Variants in NALCN observed in about 807,000 individuals in gnomAD.
The protein encoded by NALCN is sodium leak channel, non-selective, also known as sodium leak channel NALCN.
NALCN carries 111 observed loss-of-function variants against 225.3 expected under a neutral mutation model. That is an observed-to-expected ratio of 0.49 (90% CI 0.42 to 0.58). The LOEUF (loss-of-function observed/expected upper bound fraction) is 0.58, where lower values mean the gene tolerates loss of function less well. Among genes scored for constraint, NALCN ranks in the 20% least tolerant of loss-of-function variants. The pLI, the probability that NALCN is intolerant of heterozygous loss-of-function variation, is 0.00. For missense variants in NALCN, 1,378 were observed against 2,202.4 expected, an observed-to-expected ratio of 0.63 and a Z score of 7.49; for synonymous variants, 764 against 769.0, an observed-to-expected ratio of 0.99 and a Z score of 0.11.
chr13:101,090,438 A>G (rs1014169698), intron 28 of NALCN, among the ~76,000 whole-genome samples: 8 of 152,258 alleles, frequency 5.3e-5, no homozygotes, highest in Non-Finnish European at 7.3e-5. Flanking sequence ...CTGTGTTAGT[A>G]TAGAAAGTGT....
chr13:101,093,819 T>A (rs948585105), intron 28 of NALCN, among the ~76,000 whole-genome samples: 1 of 152,184 alleles, frequency 6.6e-6, no homozygotes, highest in Non-Finnish European at 1.5e-5. Context: ...ATAACTCATA[T>A]AACAATCCCA....
intron 14 of NALCN, among the ~76,000 whole-genome samples, chr13:101,184,932 T>C (rs1298401450): frequency 6.6e-6 from 1 of 152,188 alleles, no homozygotes; most frequent in African/African-American, 2.4e-5. Flanking sequence ...GATGTCCCTT[T>C]AGCTGAAATT....
At chr13:101,302,406 T>C (rs1386565057) in intron 7 of NALCN, among the ~76,000 whole-genome samples, 2 of 152,266 alleles carry the variant, frequency 1.3e-5, no homozygotes, top group African/African-American at 4.8e-5. Flanking sequence ...ATAATTGACG[T>C]TTGTTTATAA....
chr13:101,067,262 GGAGGTGGACGAGGAGGAGGGGGAA>G (rs1356292521), intron 39 of NALCN, among the ~76,000 whole-genome samples: 26 of 101,968 alleles, frequency 2.5e-4, no homozygotes, highest in Non-Finnish European at 4.7e-4. Context: ...AGGTGGAAGA[GGAGGTGGACGAGGAGGAGGGGGAA>G]GAGGAGGGGG....
At chr13:101,320,427 C>A (rs1184612531) in intron 7 of NALCN, among the ~76,000 whole-genome samples, 1 of 152,152 alleles carries the variant, frequency 6.6e-6, no homozygotes, top group Non-Finnish European at 1.5e-5. Context: ...GGGACATTTT[C>A]CATTCTGAAG....
intron 13 of NALCN, among the ~76,000 whole-genome samples, chr13:101,198,246 C>T (rs1437500504): frequency 2.0e-5 from 3 of 152,142 alleles, no homozygotes; most frequent in Admixed American, 2.0e-4. Context: ...GACTTCATGT[C>T]TAAAACACCA....
intron 28 of NALCN, among the ~76,000 whole-genome samples, chr13:101,092,149 G>C (rs1185222279): frequency 6.6e-6 from 1 of 152,010 alleles, no homozygotes; most frequent in Admixed American, 6.6e-5. Flanking sequence ...GTGAAATATT[G>C]TAATCTTGCC....
chr13:101,243,931 C>T lies in NALCN; in HGVS notation c.1267-6009G>A, dbSNP rs1035322844. Among the ~76,000 whole-genome samples, 2 of 105,658 alleles carry T rather than the reference C, an allele frequency of 1.9e-5. 1 individual carries two copies. The highest frequency in any genetic ancestry group is 4.2e-5 in the Non-Finnish European group (2 of 47,214). The allele number at this position is 105,658 out of a possible 152,430, so 69.3% of individuals were successfully genotyped here. On this transcript the variant is annotated intron_variant, in intron 11 of 43. Transcript: ENST00000251127. ...GACTCAGACTTTGCTGCAAGTCCTG[C>T]GACAGGTACTTCCTCTCTAGCACAG...
At chr13:101,086,430 C>A (rs997985561) in intron 30 of NALCN, among the ~76,000 whole-genome samples, 1 of 151,888 alleles carries the variant, frequency 6.6e-6, no homozygotes, top group Non-Finnish European at 1.5e-5. Context: ...ATAATTTCTT[C>A]AACTCATAAA....
intron 13 of NALCN, among the ~76,000 whole-genome samples, chr13:101,214,158 A>G (rs1205346359): frequency 1.3e-5 from 2 of 152,154 alleles, no homozygotes; most frequent in African/African-American, 2.4e-5. Flanking sequence ...ACATGGATGA[A>G]GGTGGAAACC....
chr13:101,268,925 A>T (rs1179934042), intron 10 of NALCN, among the ~76,000 whole-genome samples: 1 of 152,180 alleles, frequency 6.6e-6, no homozygotes, highest in African/African-American at 2.4e-5. Context: ...TGTGGCCTAC[A>T]TTTATGGATT....
At chr13:101,217,189 C>T (rs535930848) in intron 13 of NALCN, among the ~76,000 whole-genome samples, 73 of 152,230 alleles carry the variant, frequency 4.8e-4, no homozygotes, top group African/African-American at 1.7e-3. Context: ...TGCTTATGAG[C>T]TTTTGTTAGG....
intron 12 of NALCN, among the ~76,000 whole-genome samples, chr13:101,230,340 A>G (rs2041296131): frequency 6.6e-6 from 1 of 152,234 alleles, no homozygotes; most frequent in Admixed American, 6.5e-5. Context: ...AACTTTTGCC[A>G]AGAATCTTTA....
chr13:101,318,469 A>G (rs900709507), intron 7 of NALCN, among the ~76,000 whole-genome samples: 1 of 152,242 alleles, frequency 6.6e-6, no homozygotes, highest in African/African-American at 2.4e-5. Context: ...GGAATTTTCC[A>G]TTGTCATCAG....
chr13:101,111,563 TG>T (rs1296386362), intron 18 of NALCN, among the ~76,000 whole-genome samples: 1 of 152,154 alleles, frequency 6.6e-6, no homozygotes, highest in Non-Finnish European at 1.5e-5. Context: ...CACAGTGATA[TG>T]GTTTGGCTTT....
chr13:101,199,984 C>G (rs1408529560), intron 13 of NALCN, among the ~76,000 whole-genome samples: 1 of 152,050 alleles, frequency 6.6e-6, no homozygotes, highest in African/African-American at 2.4e-5. Context: ...CTAAATGTTA[C>G]AGAGCTCCAG....
At chr13:101,139,518 A>G (rs2036963867) in intron 17 of NALCN, among the ~76,000 whole-genome samples, 2 of 152,290 alleles carry the variant, frequency 1.3e-5, no homozygotes, top group South Asian at 4.1e-4. Flanking sequence ...AATCACCGAT[A>G]AACCAGCCTC....
At chr13:101,159,910 A>G (rs555825723) in intron 15 of NALCN, among the ~76,000 whole-genome samples, 131 of 152,274 alleles carry the variant, frequency 8.6e-4, no homozygotes, top group Middle Eastern at 3.4e-3. Context: ...TCTCTTTGTT[A>G]GTGAGAGAGA....
intron 17 of NALCN, among the ~76,000 whole-genome samples, chr13:101,130,223 A>G (rs2036449815): frequency 6.6e-6 from 1 of 152,080 alleles, no homozygotes; most frequent in Admixed American, 6.5e-5. Flanking sequence ...TTGTCTCAAC[A>G]GTGACTCAGT....
Sources: gnomAD v4.1 joint callset for allele counts (sites outside exome capture counted in the v4.1 genomes callset) on GRCh38, gnomAD v4.1.1 for gene constraint, MANE v1.5 for transcripts, NCBI Gene and HGNC (gene_info 2026-07-23, HGNC 2026-07-21) for gene names.